ARSB: variants seen among roughly 807,000 people sequenced by gnomAD.
ARSB encodes arylsulfatase B.
A neutral mutation model predicts 50.9 loss-of-function variants in ARSB; 41 were observed. The observed-to-expected ratio is 0.81, with a 90% CI of 0.63 to 1.04. ARSB has a LOEUF of 1.04. Ranked by LOEUF, ARSB falls within the 50% of genes least tolerant of loss-of-function variation. The pLI is 0.00. For missense variants in ARSB, 672 were observed against 693.3 expected (o/e 0.97, Z 0.35); for synonymous variants, 269 against 284.8 (o/e 0.94, Z 0.56).
At chr5:78,825,518 A>G (rs1744399599) in intron 6 of ARSB, among the ~76,000 whole-genome samples, 1 of 152,204 alleles carries the variant, frequency 6.6e-6, no homozygotes, top group South Asian at 2.1e-4. Flanking sequence ...TTGTTTTTTA[A>G]AACATTAGTT....
At chr5:78,976,577 G>A (rs1263218051) in intron 1 of ARSB, among the ~76,000 whole-genome samples, 1 of 152,000 alleles carries the variant, frequency 6.6e-6, no homozygotes, top group East Asian at 1.9e-4. Flanking sequence ...CAAATTGCTG[G>A]GATTACAGGC....
intron 1 of ARSB, among the ~76,000 whole-genome samples, chr5:78,979,364 C>T (rs766887204): frequency 2.6e-5 from 4 of 152,182 alleles, no homozygotes; most frequent in African/African-American, 4.8e-5. Flanking sequence ...TGTGGAGACG[C>T]TAAAACCCAC....
At chr5:78,952,922 CTTTTT>C (rs1196865114) in intron 4 of ARSB, among the ~76,000 whole-genome samples, 1 of 151,966 alleles carries the variant, frequency 6.6e-6, no homozygotes, top group East Asian at 1.9e-4. Context: ...GTCCTAGCAT[CTTTTT>C]TTTAATTGAT....
chr5:78,811,481 G>T (rs1056589811), intron 6 of ARSB, among the ~76,000 whole-genome samples: 1 of 152,154 alleles, frequency 6.6e-6, no homozygotes, highest in Non-Finnish European at 1.5e-5. Context: ...CTGATATGAG[G>T]ATTATGAGAC....
At chr5:78,961,705 T>A (rs1751992918) in intron 3 of ARSB, among the ~76,000 whole-genome samples, 1 of 152,136 alleles carries the variant, frequency 6.6e-6, no homozygotes, top group Non-Finnish European at 1.5e-5. Flanking sequence ...GTGGGCAGAT[T>A]ACAGTTGTTG....
chr5:78,932,013 TC>T (rs750373420), intron 4 of ARSB, among the ~76,000 whole-genome samples: 33 of 152,210 alleles, frequency 2.2e-4, no homozygotes, highest in Non-Finnish European at 4.6e-4. Context: ...TGGAACTGGC[TC>T]TTAAACCTCT....
At chr5:78,929,488 T>C (rs1750213856) in intron 4 of ARSB, among the ~76,000 whole-genome samples, 1 of 151,962 alleles carries the variant, frequency 6.6e-6, no homozygotes, top group Non-Finnish European at 1.5e-5. Flanking sequence ...TGATTCTAGG[T>C]GTGCTTTAAG....
chr5:78,780,846 C>A (rs995017285), intron 7 of ARSB, among the ~76,000 whole-genome samples, 184 bp from the exon 8 acceptor site: 2 of 152,060 alleles, frequency 1.3e-5, no homozygotes, highest in Admixed American at 1.3e-4. Flanking sequence ...CTAGACATGT[C>A]TCACTGCTTC....
intron 4 of ARSB, among the ~76,000 whole-genome samples, chr5:78,896,162 G>A (rs183999420): frequency 6.6e-6 from 1 of 152,322 alleles, no homozygotes; most frequent in East Asian, 1.9e-4. Flanking sequence ...ACTGATGAAT[G>A]TTTTTGATTT....
chr5:78,847,268 A>G (rs1161160057), intron 5 of ARSB, among the ~76,000 whole-genome samples: 1 of 152,036 alleles, frequency 6.6e-6, no homozygotes, highest in African/African-American at 2.4e-5. Context: ...CCTGGGCTAT[A>G]GGAGCATGCC....
intron 5 of ARSB, among the ~76,000 whole-genome samples, chr5:78,861,548 G>A (rs541920412): frequency 9.2e-5 from 14 of 152,196 alleles, no homozygotes; most frequent in Non-Finnish European, 1.6e-4. Context: ...AAAGGCCTTC[G>A]ACAAAATTCA....
intron 5 of ARSB, among the ~76,000 whole-genome samples, chr5:78,878,454 A>C (rs1409092065): frequency 6.6e-6 from 1 of 152,234 alleles, no homozygotes; most frequent in Non-Finnish European, 1.5e-5. Flanking sequence ...CAGTACTCAT[A>C]AGAACTTAAA....
intron 4 of ARSB, among the ~76,000 whole-genome samples, chr5:78,943,325 G>A (rs1427605280): frequency 6.6e-6 from 1 of 152,276 alleles, no homozygotes; most frequent in Admixed American, 6.5e-5. Flanking sequence ...CTGTCATGAT[G>A]TTAGCTGGTT....
chr5:78,893,937 T>G (rs139161825), intron 4 of ARSB, among the ~76,000 whole-genome samples: 70 of 152,390 alleles, frequency 4.6e-4, no homozygotes, highest in African/African-American at 1.5e-3. Flanking sequence ...TTTTTACTAA[T>G]GGATTTCCAG....
At chr5:78,787,120 A>ATCTATCTATCTG (rs1749105149) in intron 6 of ARSB, among the ~76,000 whole-genome samples, 1 of 151,136 alleles carries the variant, frequency 6.6e-6, no homozygotes, top group South Asian at 2.1e-4. Flanking sequence ...CTATCTATCT[A>ATCTATCTATCTG]TCTATCTATC....
At chr5:78,909,048 G>A (rs1023791276) in intron 4 of ARSB, among the ~76,000 whole-genome samples, 5 of 152,232 alleles carry the variant, frequency 3.3e-5, no homozygotes, top group South Asian at 2.1e-4. Context: ...TTAGGTAAAC[G>A]GTATAGTCTC....
intron 6 of ARSB, among the ~76,000 whole-genome samples, chr5:78,825,149 C>T (rs1426760212): frequency 6.6e-6 from 1 of 152,102 alleles, no homozygotes; most frequent in Admixed American, 6.5e-5. Context: ...TATCTAAAAG[C>T]AAGCAGATAC....
intron 6 of ARSB, among the ~76,000 whole-genome samples, chr5:78,796,568 T>C (rs1743182891): frequency 6.6e-6 from 1 of 152,242 alleles, no homozygotes; most frequent in Non-Finnish European, 1.5e-5. Flanking sequence ...AGTCTCTAAG[T>C]GAGACAATGC....
At chr5:78,961,402 A>C (rs1258556086) in intron 3 of ARSB, among the ~76,000 whole-genome samples, 1 of 152,220 alleles carries the variant, frequency 6.6e-6, no homozygotes, top group East Asian at 1.9e-4. Flanking sequence ...GGAATGCTGG[A>C]TACTGCTATA....
Sources: allele counts gnomAD v4.1 joint callset (sites outside exome capture counted in the v4.1 genomes callset), GRCh38; gene constraint gnomAD v4.1.1; transcripts MANE v1.5; gene names NCBI Gene and HGNC (gene_info 2026-07-23, HGNC 2026-07-21).